TRIO: variants seen among roughly 807,000 people sequenced by gnomAD.
TRIO encodes the protein trio Rho guanine nucleotide exchange factor, also known as triple functional domain protein.
A neutral mutation model predicts 351.9 loss-of-function variants in TRIO; 58 were observed. The observed-to-expected ratio is 0.16, with a 90% confidence interval of 0.13 to 0.21. TRIO has a LOEUF of 0.21. Ranked by LOEUF, TRIO falls within the 10% of genes least tolerant of loss-of-function variation. The pLI is 1.00. For synonymous variants in TRIO, 1,758 were observed against 1,595.7 expected (o/e 1.10, Z -2.42); for missense variants, 3,201 against 4,027.8 (o/e 0.79, Z 5.56).
intron 34 of TRIO, among the ~76,000 whole-genome samples, chr5:14,437,126 T>C (rs1478353749): frequency 6.6e-6 from 1 of 152,244 alleles, no homozygotes; most frequent in Non-Finnish European, 1.5e-5. Flanking sequence ...TTTCATTCTC[T>C]GGAATGTGAT....
At chr5:14,206,290 G>A (rs1286503943) in intron 1 of TRIO, among the ~76,000 whole-genome samples, 1 of 152,090 alleles carries the variant, frequency 6.6e-6, no homozygotes, top group Non-Finnish European at 1.5e-5. Context: ...TGAACTACTG[G>A]TCTCAAGCAG....
intron 1 of TRIO, among the ~76,000 whole-genome samples, chr5:14,157,634 C>T (rs1048609199): frequency 1.3e-5 from 2 of 152,050 alleles, no homozygotes; most frequent in Admixed American, 1.3e-4. Flanking sequence ...CTTGCCCAGG[C>T]TGGAGTGCAG....
intron 1 of TRIO, among the ~76,000 whole-genome samples, chr5:14,226,381 G>A (rs559196003): frequency 3.7e-4 from 57 of 152,294 alleles, no homozygotes; most frequent in African/African-American, 1.3e-3. Context: ...TGTGGAGGTT[G>A]AAAACCAGGG....
chr5:14,385,010 T>G (rs1159040596), intron 21 of TRIO, among the ~76,000 whole-genome samples: 1 of 152,222 alleles, frequency 6.6e-6, no homozygotes. Flanking sequence ...TCATCAACTT[T>G]ACTTAATATA....
chr5:14,162,877 G>T (rs887169857), intron 1 of TRIO, among the ~76,000 whole-genome samples: 1 of 152,084 alleles, frequency 6.6e-6, no homozygotes, highest in African/African-American at 2.4e-5. Flanking sequence ...CACGATCTTG[G>T]CTCACTGCAG....
intron 46 of TRIO, among the ~76,000 whole-genome samples, chr5:14,483,912 A>G (rs565595912): frequency 1.3e-4 from 19 of 151,894 alleles, no homozygotes; most frequent in African/African-American, 4.6e-4. Context: ...CTGTGCACCC[A>G]TGCCCTGAAC....
intron 1 of TRIO, among the ~76,000 whole-genome samples, chr5:14,265,708 C>G (rs548834011): frequency 1.3e-4 from 20 of 152,280 alleles, no homozygotes; most frequent in African/African-American, 4.3e-4. Context: ...CTCAGTGCAG[C>G]ATCTCTTTGC....
intron 48 of TRIO, chr5:14,488,666 G>C (rs985484880): frequency 3.7e-6 from 2 of 534,378 alleles, no homozygotes; most frequent in African/African-American, 3.8e-5. Flanking sequence ...CTCATCGCTT[G>C]GTTTTGCTCT....
At chr5:14,201,956 C>T (rs531180949) in intron 1 of TRIO, among the ~76,000 whole-genome samples, 15 of 110,630 alleles carry the variant, frequency 1.4e-4, no homozygotes, top group South Asian at 5.5e-4. Context: ...CATCACACAC[C>T]GGGGCCTGTT....
At chr5:14,433,410 GA>G (rs1751336775) in intron 34 of TRIO, among the ~76,000 whole-genome samples, 1 of 152,206 alleles carries the variant, frequency 6.6e-6, no homozygotes, top group Non-Finnish European at 1.5e-5. Flanking sequence ...AGAAACCGGA[GA>G]AAACTTCCTC....
chr5:14,365,067 A>T (rs1162601262), intron 15 of TRIO, among the ~76,000 whole-genome samples: 2 of 152,236 alleles, frequency 1.3e-5, no homozygotes, highest in South Asian at 2.1e-4. Flanking sequence ...CAGCACTTGA[A>T]GGTAACAGCC....
At chr5:14,302,995 G>A (rs1371301869) in intron 7 of TRIO, among the ~76,000 whole-genome samples, 1 of 152,212 alleles carries the variant, frequency 6.6e-6, no homozygotes, top group Non-Finnish European at 1.5e-5. Flanking sequence ...GAGATGGAGG[G>A]TGTCAGTGGA....
rs373667642 is a variant in TRIO, at chr5:14,366,618, A to C, written c.2755-242A>C. ...TTATCAACAATCCACTGGACCCTCCACCTTTTCATTTCCCATTTGCTACTA... is the reference window on the plus strand; with the variant it reads ...TTATCAACAATCCACTGGACCCTCCCCCTTTTCATTTCCCATTTGCTACTA... On this transcript the variant is annotated intron_variant, in intron 15 of 56. Transcript: ENST00000344204. 2.8e-4 allele frequency among the ~76,000 whole-genome samples: 42 copies of C among 152,312 alleles called. No individual in the cohort carries two copies. In the South Asian group the frequency reaches 8.5e-3, roughly 31 times the overall value.
intron 52 of TRIO, 27 bp from the exon 53 acceptor site, chr5:14,498,492 C>A (rs370819465): frequency 1.2e-6 from 2 of 1,607,034 alleles, no homozygotes; most frequent in Non-Finnish European, 1.7e-6. Flanking sequence ...TTTTCTGATG[C>A]GCAGTGTGTT....
At chr5:14,484,271 A>G (rs774453932) in intron 46 of TRIO, among the ~76,000 whole-genome samples, 1 of 152,208 alleles carries the variant, frequency 6.6e-6, no homozygotes, top group Non-Finnish European at 1.5e-5. Flanking sequence ...ATTTTATAAC[A>G]TAGGTTTTAG....
intron 33 of TRIO, among the ~76,000 whole-genome samples, chr5:14,409,990 GA>G (rs1749061593): frequency 1.4e-4 from 21 of 152,240 alleles, no homozygotes; most frequent in Admixed American, 1.1e-3. Flanking sequence ...TAACCATCTT[GA>G]AGGAATGACA....
At chr5:14,155,865 C>T (rs1788072251) in intron 1 of TRIO, among the ~76,000 whole-genome samples, 1 of 152,134 alleles carries the variant, frequency 6.6e-6, no homozygotes, top group Non-Finnish European at 1.5e-5. Context: ...CTGTTCCTCT[C>T]CCTTCTTTCA....
chr5:14,450,163 G>A (rs962928802), intron 34 of TRIO, among the ~76,000 whole-genome samples: 19 of 152,192 alleles, frequency 1.2e-4, no homozygotes, highest in African/African-American at 4.1e-4. Context: ...TGAGATCGAC[G>A]CGGCCGGCCT....
At chr5:14,185,203 A>G (rs1790035586) in intron 1 of TRIO, among the ~76,000 whole-genome samples, 1 of 122,680 alleles carries the variant, frequency 8.2e-6, no homozygotes, top group Non-Finnish European at 1.6e-5. Flanking sequence ...TGTTTCTTCT[A>G]AAGGCTAATA....
Sources: gnomAD v4.1 joint callset for allele counts (sites outside exome capture counted in the v4.1 genomes callset) on GRCh38, gnomAD v4.1.1 for gene constraint, MANE v1.5 for transcripts, NCBI Gene and HGNC (gene_info 2026-07-23, HGNC 2026-07-21) for gene names.